Variants in DYNC2H1 observed in about 807,000 individuals in gnomAD.
The protein encoded by DYNC2H1 is dynein cytoplasmic 2 heavy chain 1.
A neutral mutation model predicts 570.0 loss-of-function variants in DYNC2H1; 410 were observed. The observed-to-expected ratio is 0.72, with a 90% CI of 0.66 to 0.78. DYNC2H1 has a LOEUF of 0.78. DYNC2H1 is among the 30% of genes least tolerant of loss of function. The pLI is 0.00. For synonymous variants in DYNC2H1, 1,688 were observed against 1,677.6 expected (o/e 1.01, Z -0.15); for missense variants, 4,865 against 5,046.4 (o/e 0.96, Z 1.09).
At chr11:103,187,198 A>G (rs1862105204) in intron 42 of DYNC2H1, 142 bp from the exon 43 acceptor site, 4 of 1,160,504 alleles carry the variant, frequency 3.4e-6, no homozygotes, top group Non-Finnish European at 4.8e-6. Flanking sequence ...TATGGAAGCC[A>G]TATCTGTATT....
At chr11:103,115,087 G>T in intron 3 of DYNC2H1, 90 bp from the exon 4 acceptor site, 1 of 842,374 alleles carries the variant, frequency 1.2e-6, no homozygotes, top group South Asian at 1.6e-5. Context: ...TGTGTTAGAT[G>T]ACTCAAATAT....
At chr11:103,164,898 T>C (rs1488363300) in intron 30 of DYNC2H1, among the ~76,000 whole-genome samples, 1 of 152,192 alleles carries the variant, frequency 6.6e-6, no homozygotes, top group Non-Finnish European at 1.5e-5. Flanking sequence ...TCAGTAGCAT[T>C]GCCTAGGATT....
rs760952411 is a variant in DYNC2H1 at position 103,253,272 on chromosome 11, T to G, written c.10043-13T>G. 6.3e-7 allele frequency: 1 copy of G among 1,596,394 alleles called. No individual in the cohort carries two copies. Among genetic ancestry groups the G allele is most frequent in the Non-Finnish European group, 8.5e-7 (1 of 1,170,918 alleles). ...AGATTCAGACCAACCAATTGTGTGTTTTTTTTAAATAGGACCACGTTATGT... is the reference window on the plus strand; with the variant it reads ...AGATTCAGACCAACCAATTGTGTGTGTTTTTTAAATAGGACCACGTTATGT... On this transcript the variant is annotated splice_polypyrimidine_tract_variant and intron_variant, in intron 65 of 88. Transcript: ENST00000375735.
At chr11:103,255,104 A>T (rs1864999307) in intron 66 of DYNC2H1, among the ~76,000 whole-genome samples, 1 of 152,104 alleles carries the variant, frequency 6.6e-6, no homozygotes, top group Non-Finnish European at 1.5e-5. Flanking sequence ...CTTACTATTA[A>T]AAAAATAGTA....
intron 85 of DYNC2H1, among the ~76,000 whole-genome samples, chr11:103,448,285 A>G (rs967363846): frequency 6.6e-6 from 1 of 152,114 alleles, no homozygotes; most frequent in African/African-American, 2.4e-5. Flanking sequence ...TTCTTCCACA[A>G]TACTGTTTAA....
chr11:103,421,647 C>A (rs375462672), intron 84 of DYNC2H1, among the ~76,000 whole-genome samples: 12 of 152,084 alleles, frequency 7.9e-5, no homozygotes, highest in African/African-American at 2.9e-4. Context: ...TCAAGAAATT[C>A]TTTGAAACTA....
chr11:103,298,343 T>C (rs560028808), intron 75 of DYNC2H1, among the ~76,000 whole-genome samples: 26 of 152,280 alleles, frequency 1.7e-4, no homozygotes, highest in South Asian at 1.4e-3. Context: ...GGTTTTTTTT[T>C]CCTACCCATT....
chr11:103,181,064 AAG>A lies in DYNC2H1; in HGVS notation c.6348-691_6348-690del, dbSNP rs1159970236. 6.6e-6 allele frequency among the ~76,000 whole-genome samples: 1 copy of A among 151,540 alleles called. No individual in the cohort carries two copies. Among genetic ancestry groups the A allele is most frequent in the African/African-American group, 2.4e-5 (1 of 41,394 alleles). ...AATTATATAAGGTATAATTTTGAATAAGATGTGAATCTCTATTATTTCACCAA... is the reference window on the plus strand; with the variant it reads ...AATTATATAAGGTATAATTTTGAATAATGTGAATCTCTATTATTTCACCAA... On this transcript the variant is annotated intron_variant, in intron 39 of 88. Transcript: ENST00000375735. The surrounding 1 kb of genome is among the most constrained non-coding windows in gnomAD (Gnocchi z 5.0).
chr11:103,390,307 C>T (rs1210644571), intron 83 of DYNC2H1, among the ~76,000 whole-genome samples: 2 of 150,692 alleles, frequency 1.3e-5, no homozygotes, highest in African/African-American at 4.9e-5. Context: ...TTATCAGAGA[C>T]TAGGATTGCA....
chr11:103,449,831 A>G (rs977755196), intron 85 of DYNC2H1, among the ~76,000 whole-genome samples: 2 of 152,144 alleles, frequency 1.3e-5, no homozygotes, highest in African/African-American at 2.4e-5. Flanking sequence ...ATTTTCTTCT[A>G]CCTAATACAT....
rs147854128 is a variant in DYNC2H1, at chr11:103,228,519, A to G, written c.9354-2741A>G. Among the ~76,000 whole-genome samples, 442 of 152,288 alleles carry G rather than the reference A, an allele frequency of 2.9e-3. 1 individual carries two copies. The highest frequency in any genetic ancestry group is 9.7e-3 in the African/African-American group (402 of 41,540). On this transcript the variant is annotated intron_variant, in intron 59 of 88. Transcript: ENST00000375735. The surrounding 1 kb of genome is among the most constrained non-coding windows in gnomAD (Gnocchi z 6.1). ...TGGGCTGGTGTTGGGGAGTGTCTGC[A>G]CAGAGTCCTGTGATGTGATCTGTCT...
At chr11:103,293,990 T>G (rs556563622) in intron 75 of DYNC2H1, among the ~76,000 whole-genome samples, 1 of 152,160 alleles carries the variant, frequency 6.6e-6, no homozygotes, top group Admixed American at 6.5e-5. Context: ...GGCAGGAGAA[T>G]TGCTTGAATC....
chr11:103,243,510 T>C lies in DYNC2H1; in HGVS notation c.9820-183T>C, dbSNP rs1237327858. Reference sequence around the variant, plus strand: ...CCTGGTCACTGAAGATTTGTTAATATGGCTTGTGATGCAGCTAAAAACTGT... The same window carrying C: ...CCTGGTCACTGAAGATTTGTTAATACGGCTTGTGATGCAGCTAAAAACTGT... On this transcript the variant is annotated intron_variant, in intron 63 of 88. Coordinates refer to ENST00000375735, the MANE Select transcript of DYNC2H1 (RefSeq NM_001377.3). This position sits in a 1 kb window ranked among gnomAD's most constrained non-coding sequence, Gnocchi z 4.8. Among the ~76,000 whole-genome samples the C allele has an allele frequency of 6.6e-6, 1 of 152,208 alleles. No homozygotes were observed. The highest frequency in any genetic ancestry group is 1.5e-5 in the Non-Finnish European group (1 of 68,008).
chr11:103,469,911 A>G (rs1295109248), intron 88 of DYNC2H1, among the ~76,000 whole-genome samples: 1 of 152,246 alleles, frequency 6.6e-6, no homozygotes, highest in Non-Finnish European at 1.5e-5. Flanking sequence ...TGAATATAAC[A>G]TACAAAATTG....
intron 84 of DYNC2H1, among the ~76,000 whole-genome samples, chr11:103,430,460 G>A (rs1345918482): frequency 1.3e-5 from 2 of 151,786 alleles, no homozygotes; most frequent in Non-Finnish European, 2.9e-5. Flanking sequence ...ATTGACTCAC[G>A]TTTAGAATAT....
At chr11:103,387,683 G>A (rs949372264) in intron 83 of DYNC2H1, among the ~76,000 whole-genome samples, 9 of 152,150 alleles carry the variant, frequency 5.9e-5, no homozygotes, top group Non-Finnish European at 8.8e-5. Flanking sequence ...TTTATATAAG[G>A]TGTAAGGAAG....
intron 28 of DYNC2H1, among the ~76,000 whole-genome samples, 195 bp from the exon 29 acceptor site, chr11:103,160,737 T>C (rs1299482202): frequency 1.3e-5 from 2 of 152,014 alleles, no homozygotes; most frequent in African/African-American, 4.8e-5. Flanking sequence ...GTGATAAGAA[T>C]ATTGATTCAG....
intron 83 of DYNC2H1, among the ~76,000 whole-genome samples, chr11:103,364,146 G>A (rs1940783539): frequency 6.6e-6 from 1 of 152,154 alleles, no homozygotes; most frequent in Admixed American, 6.5e-5. Flanking sequence ...TTAACAATAT[G>A]TGTAAAGAAT....
At chr11:103,337,005 A>T (rs551685796) in intron 82 of DYNC2H1, among the ~76,000 whole-genome samples, 5 of 152,284 alleles carry the variant, frequency 3.3e-5, no homozygotes, top group Non-Finnish European at 5.9e-5. Flanking sequence ...GATGGCCATG[A>T]CGCCCACGCT....
Sources: gnomAD v4.1 joint callset for allele counts (sites outside exome capture counted in the v4.1 genomes callset) on GRCh38, gnomAD v4.1.1 for gene constraint, Gnocchi (gnomAD v3.1) non-coding constraint, MANE v1.5 for transcripts, NCBI Gene and HGNC (gene_info 2026-07-23, HGNC 2026-07-21) for gene names.